The following CSMD1 variants were observed in gnomAD, a reference collection of about 807,000 sequenced individuals.
The protein encoded by CSMD1 is CUB and sushi domain-containing protein 1.
Under a neutral mutation model 417.5 loss-of-function variants are expected in CSMD1, and 213 were observed. That is an observed-to-expected ratio of 0.51 (90% CI 0.46 to 0.57). The LOEUF is 0.57. CSMD1 is among the 20% of genes least tolerant of loss of function. CSMD1 has a pLI of 0.00. For synonymous variants in CSMD1, 2,862 were observed against 1,736.8 expected (o/e 1.65, Z -16.11); for missense variants, 6,923 against 4,529.7 (o/e 1.53, Z -15.17).
chr8:3,920,000 T>C (rs933572643), intron 5 of CSMD1, among the ~76,000 whole-genome samples: 1 of 152,040 alleles, frequency 6.6e-6, no homozygotes, highest in Non-Finnish European at 1.5e-5. Flanking sequence ...AAATTTTTTT[T>C]TACTTTAGGA....
intron 6 of CSMD1, among the ~76,000 whole-genome samples, chr8:3,748,862 C>G (rs941437728): frequency 4.6e-5 from 7 of 152,196 alleles, no homozygotes; most frequent in African/African-American, 1.7e-4. Context: ...TGTGTCAACA[C>G]AAGCTTTATC....
intron 2 of CSMD1, among the ~76,000 whole-genome samples, chr8:4,454,842 T>C (rs564863682): frequency 2.8e-4 from 43 of 152,326 alleles, no homozygotes; most frequent in Middle Eastern, 3.4e-3. Flanking sequence ...AAGGTTTTTT[T>C]CCACAGTTTA....
rs568351315 is a variant in CSMD1 at position 4,948,017 on chromosome 8, T to C, written c.85+46315A>G. Among the ~76,000 whole-genome samples the C allele has an allele frequency of 3.3e-5, 5 of 152,170 alleles. No individual in the cohort carries two copies. The East Asian group carries it at 9.7e-4, about 29-fold the overall frequency. On this transcript the variant is annotated intron_variant, in intron 1 of 69. Transcript: ENST00000635120. ...ATGAACTTTCTTCCACATGTCAGCTTGTGTTACACATTCACTTTTCTGTAG... is the reference window on the plus strand; with the variant it reads ...ATGAACTTTCTTCCACATGTCAGCTCGTGTTACACATTCACTTTTCTGTAG...
intron 5 of CSMD1, among the ~76,000 whole-genome samples, chr8:3,773,296 G>C (rs1316991393): frequency 6.6e-6 from 1 of 152,130 alleles, no homozygotes. Context: ...TTTGGGGAGA[G>C]CTGGTAGGAT....
intron 10 of CSMD1, among the ~76,000 whole-genome samples, chr8:3,507,879 T>C (rs907813997): frequency 1.3e-5 from 2 of 152,190 alleles, no homozygotes; most frequent in African/African-American, 2.4e-5. Context: ...GCAAATTTGT[T>C]TGAGTTCATT....
At chr8:4,309,659 A>G (rs75019621) in intron 3 of CSMD1, among the ~76,000 whole-genome samples, 7,951 of 152,216 alleles carry the variant, frequency 0.052, 283 homozygotes, top group Middle Eastern at 0.092. Context: ...ATTAGACCGT[A>G]TTTGAGCATA....
chr8:3,246,039 C>T (rs543536752), intron 26 of CSMD1, among the ~76,000 whole-genome samples: 122 of 152,216 alleles, frequency 8.0e-4, no homozygotes, highest in Middle Eastern at 3.4e-3. Flanking sequence ...CGCACTTGCC[C>T]GAACTTCCTT....
intron 1 of CSMD1, among the ~76,000 whole-genome samples, chr8:4,654,443 G>A (rs369861183): frequency 1.3e-5 from 2 of 152,060 alleles, no homozygotes; most frequent in Admixed American, 1.3e-4. Flanking sequence ...TTTGGAAAAG[G>A]AAAGTAGGAA....
intron 3 of CSMD1, among the ~76,000 whole-genome samples, chr8:4,038,504 A>G (rs550645650): frequency 1.3e-5 from 2 of 152,294 alleles, no homozygotes; most frequent in East Asian, 1.9e-4. Flanking sequence ...TTTCAACCCA[A>G]TGTCATTTCT....
chr8:4,392,035 G>A (rs1480989490), intron 3 of CSMD1, among the ~76,000 whole-genome samples: 3 of 152,156 alleles, frequency 2.0e-5, no homozygotes, highest in Non-Finnish European at 4.4e-5. Context: ...TGAGTCCCAG[G>A]GTTTTGGGGG....
intron 3 of CSMD1, among the ~76,000 whole-genome samples, chr8:4,035,916 C>G (rs1393918491): frequency 1.3e-5 from 2 of 152,150 alleles, no homozygotes; most frequent in East Asian, 1.9e-4. Context: ...ACAGACTCAC[C>G]CAGAGCAACT....
In CSMD1 at chr8:3,199,700, G is replaced by A; in HGVS notation, c.5194+14C>T. ...ACCACAGTGACATGTGGAGACATGT[G>A]GAGTGACGCTTACCTTGATACACGA... On this transcript the variant is annotated intron_variant, in intron 33 of 69. Transcript: ENST00000635120. The A allele has an allele frequency of 6.4e-7, 1 of 1,553,018 alleles. No homozygotes were observed. The highest frequency in any genetic ancestry group is 8.8e-7 in the Non-Finnish European group (1 of 1,141,020).
At chr8:4,192,040 A>G (rs1003791791) in intron 3 of CSMD1, among the ~76,000 whole-genome samples, 1 of 152,212 alleles carries the variant, frequency 6.6e-6, no homozygotes, top group African/African-American at 2.4e-5. Context: ...CTCCTGCAAC[A>G]AAAGTATTTG....
chr8:4,733,300 G>C (rs543217091), intron 1 of CSMD1, among the ~76,000 whole-genome samples: 2 of 152,276 alleles, frequency 1.3e-5, no homozygotes, highest in Admixed American at 1.3e-4. Flanking sequence ...GACTAAAAAT[G>C]TTGCCCTCAA....
intron 1 of CSMD1, among the ~76,000 whole-genome samples, chr8:4,641,928 G>A (rs200569186): frequency 1.3e-5 from 2 of 152,148 alleles, no homozygotes; most frequent in African/African-American, 4.8e-5. Context: ...GATAATTATT[G>A]CTAACATTTT....
intron 3 of CSMD1, among the ~76,000 whole-genome samples, chr8:4,260,941 T>C (rs1214084121): frequency 2.0e-5 from 3 of 152,172 alleles, no homozygotes; most frequent in Non-Finnish European, 2.9e-5. Context: ...CCTGGTGTAT[T>C]TTTCTACTCT....
At chr8:3,466,485 C>G (rs769460078) in intron 12 of CSMD1, among the ~76,000 whole-genome samples, 5 of 151,956 alleles carry the variant, frequency 3.3e-5, no homozygotes, top group Non-Finnish European at 7.4e-5. Flanking sequence ...TCTTGGCTCA[C>G]TGCAAGCTCC....
At chr8:4,381,277 C>G (rs1050388236) in intron 3 of CSMD1, among the ~76,000 whole-genome samples, 2 of 152,142 alleles carry the variant, frequency 1.3e-5, no homozygotes, top group Non-Finnish European at 1.5e-5. Context: ...TCAAAACAGC[C>G]TTCCAGAGGT....
At chr8:4,004,534 G>T (rs1444139068) in intron 4 of CSMD1, among the ~76,000 whole-genome samples, 3 of 151,648 alleles carry the variant, frequency 2.0e-5, no homozygotes, top group African/African-American at 7.3e-5. Context: ...ACATAAAAAT[G>T]AAGTAGTATT....
Sources: allele counts gnomAD v4.1 joint callset (sites outside exome capture counted in the v4.1 genomes callset), GRCh38; gene constraint gnomAD v4.1.1; transcripts MANE v1.5; gene names NCBI Gene and HGNC (gene_info 2026-07-23, HGNC 2026-07-21).